STX8: variants seen among roughly 807,000 people sequenced by gnomAD.
STX8 encodes syntaxin-8.
A neutral mutation model predicts 37.5 loss-of-function variants in STX8; 23 were observed. That is an observed-to-expected ratio of 0.61 (90% CI 0.44 to 0.87). STX8 has a LOEUF of 0.87. STX8 is among the 40% of genes least tolerant of loss of function. STX8 has a pLI of 0.00. For synonymous variants in STX8, 115 were observed against 99.1 expected, an observed-to-expected ratio of 1.16 and a Z score of -0.95; for missense variants, 313 against 284.7, an observed-to-expected ratio of 1.10 and a Z score of -0.71.
intron 7 of STX8, among the ~76,000 whole-genome samples, chr17:9,354,515 T>A (rs1597621080): frequency 6.6e-6 from 1 of 151,772 alleles, no homozygotes; most frequent in Admixed American, 6.6e-5. Flanking sequence ...AGAGACGGGG[T>A]TTCACCATGT....
At chr17:9,570,636 C>T (rs1907655077) in intron 1 of STX8, among the ~76,000 whole-genome samples, 1 of 151,954 alleles carries the variant, frequency 6.6e-6, no homozygotes, top group African/African-American at 2.4e-5. Context: ...AAAATTGGGT[C>T]CTGGTCCAAA....
intron 7 of STX8, among the ~76,000 whole-genome samples, chr17:9,374,690 A>C (rs1911524977): frequency 6.6e-6 from 1 of 152,178 alleles, no homozygotes; most frequent in Non-Finnish European, 1.5e-5. Flanking sequence ...GATCCATAAT[A>C]CTGATAAAAT....
chr17:9,333,535 C>A (rs971603880), intron 7 of STX8, among the ~76,000 whole-genome samples: 8 of 152,038 alleles, frequency 5.3e-5, no homozygotes, highest in East Asian at 1.9e-4. Flanking sequence ...CTATAGGCGC[C>A]CGCCACCACG....
intron 7 of STX8, among the ~76,000 whole-genome samples, chr17:9,347,200 T>C (rs1910564032): frequency 6.6e-6 from 1 of 151,822 alleles, no homozygotes; most frequent in Admixed American, 6.6e-5. Context: ...GTTAGATGTA[T>C]CCCCAACATC....
chr17:9,390,477 G>A (rs574560811), intron 6 of STX8, among the ~76,000 whole-genome samples: 5 of 150,894 alleles, frequency 3.3e-5, no homozygotes, highest in Non-Finnish European at 4.4e-5. Flanking sequence ...AGCTGAGATC[G>A]CGCCATTGCA....
At chr17:9,455,348 A>C (rs1037229764) in intron 6 of STX8, among the ~76,000 whole-genome samples, 6 of 151,824 alleles carry the variant, frequency 4.0e-5, no homozygotes, top group Non-Finnish European at 7.4e-5. Flanking sequence ...AAATACAAAA[A>C]AATTAGCCAG....
In STX8 at chr17:9,406,470, T is replaced by C. The variant is rs1231947648; in HGVS notation, c.542-27817A>G. 2.0e-5 allele frequency among the ~76,000 whole-genome samples: 3 copies of C among 152,370 alleles called. 1 individual carries two copies. The highest frequency in any genetic ancestry group is 7.2e-5 in the African/African-American group (3 of 41,584). On this transcript the variant is annotated intron_variant, in intron 6 of 7. Transcript: ENST00000306357. The stretch of plus-strand genomic sequence containing the variant: ...TGCCTCAATAGCAACAGGAGGTGAC[T>C]ATGAAATTACTACATTATCACAGTA...
chr17:9,466,141 T>G (rs1905603256), intron 6 of STX8, among the ~76,000 whole-genome samples: 1 of 152,104 alleles, frequency 6.6e-6, no homozygotes, highest in African/African-American at 2.4e-5. Flanking sequence ...CGGCTAATTT[T>G]TTTGTATTTT....
chr17:9,558,379 G>A (rs1292023406), intron 2 of STX8, among the ~76,000 whole-genome samples: 2 of 152,174 alleles, frequency 1.3e-5, no homozygotes, highest in South Asian at 4.1e-4. Context: ...ACCAGCCAGT[G>A]TGTCAGAGAC....
At chr17:9,497,506 C>T (rs1428372227) in intron 5 of STX8, among the ~76,000 whole-genome samples, 1 of 152,060 alleles carries the variant, frequency 6.6e-6, no homozygotes, top group East Asian at 1.9e-4. Flanking sequence ...GGGTAGGTTA[C>T]GGGATGGCAT....
chr17:9,438,001 C>G (rs1904494481), intron 6 of STX8: 1 of 152,102 alleles, frequency 6.6e-6, no homozygotes, highest in South Asian at 2.1e-4. Flanking sequence ...AATCCCAGTA[C>G]TTTGGGAGGC....
chr17:9,462,202 C>A (rs1905417618), intron 6 of STX8, among the ~76,000 whole-genome samples: 1 of 152,058 alleles, frequency 6.6e-6, no homozygotes, highest in Non-Finnish European at 1.5e-5. Flanking sequence ...AGGAGAAGCA[C>A]AAATAAGTCT....
At chr17:9,315,016 C>T (rs900725183) in intron 7 of STX8, among the ~76,000 whole-genome samples, 1 of 149,958 alleles carries the variant, frequency 6.7e-6, no homozygotes, top group Admixed American at 6.7e-5. Context: ...GCAGGAGAAT[C>T]GCTTGAATCC....
intron 1 of STX8, among the ~76,000 whole-genome samples, chr17:9,572,598 C>A (rs547293048): frequency 4.6e-5 from 7 of 152,092 alleles, no homozygotes; most frequent in Non-Finnish European, 8.8e-5. Flanking sequence ...TTAGTAGAGA[C>A]GGGGTTTCAC....
chr17:9,473,317 C>A (rs1490473936), intron 6 of STX8, among the ~76,000 whole-genome samples: 2 of 152,116 alleles, frequency 1.3e-5, no homozygotes, highest in African/African-American at 4.8e-5. Flanking sequence ...CCGTGCCCAG[C>A]CATGTCTCAG....
chr17:9,469,610 G>A (rs1905763386), intron 6 of STX8: 1 of 152,152 alleles, frequency 6.6e-6, no homozygotes, highest in Non-Finnish European at 1.5e-5. Context: ...TCTTCCTAAA[G>A]CTCTCTGTCC....
chr17:9,406,727 T>C (rs749065133), intron 6 of STX8, among the ~76,000 whole-genome samples: 3 of 152,238 alleles, frequency 2.0e-5, no homozygotes, highest in Non-Finnish European at 2.9e-5. Context: ...TTCTTAAAAA[T>C]TTTCAGTGTT....
intron 6 of STX8, among the ~76,000 whole-genome samples, chr17:9,490,496 C>A (rs1420467005): frequency 6.6e-6 from 1 of 152,120 alleles, no homozygotes; most frequent in African/African-American, 2.4e-5. Flanking sequence ...CTCAGCCTCC[C>A]GAGTAGCTGT....
At chr17:9,281,849 G>T (rs1307727200) in intron 7 of STX8, among the ~76,000 whole-genome samples, 1 of 152,144 alleles carries the variant, frequency 6.6e-6, no homozygotes, top group African/African-American at 2.4e-5. Flanking sequence ...CAGGAGAATC[G>T]CTTGAACCTG....
Sources: gnomAD v4.1 joint callset for allele counts (sites outside exome capture counted in the v4.1 genomes callset) on GRCh38, gnomAD v4.1.1 for gene constraint, MANE v1.5 for transcripts, NCBI Gene and HGNC (gene_info 2026-07-23, HGNC 2026-07-21) for gene names.